The following SGK1 variants were observed in gnomAD, a reference collection of about 807,000 sequenced individuals.
SGK1 encodes serum/glucocorticoid regulated kinase 1, also known as serine/threonine-protein kinase Sgk1.
SGK1 carries 26 observed loss-of-function variants against 64.2 expected under a neutral mutation model. The observed-to-expected ratio is 0.40, with a 90% CI of 0.30 to 0.56. The LOEUF is 0.56. Among genes scored for constraint, SGK1 ranks in the 20% least tolerant of loss-of-function variants. The pLI is 0.38. For synonymous variants in SGK1, 265 were observed against 239.7 expected, an observed-to-expected ratio of 1.11 and a Z score of -0.98; for missense variants, 519 against 645.6, an observed-to-expected ratio of 0.80 and a Z score of 2.12.
intron 2 of SGK1, among the ~76,000 whole-genome samples, chr6:134,249,913 GT>G (rs1232182754): frequency 6.6e-6 from 1 of 152,004 alleles, no homozygotes; most frequent in Non-Finnish European, 1.5e-5. Flanking sequence ...TTTCTTTTTT[GT>G]TACCACCAAG....
chr6:134,237,786 A>G (rs1263672654), intron 2 of SGK1, among the ~76,000 whole-genome samples: 1 of 152,188 alleles, frequency 6.6e-6, no homozygotes, highest in Admixed American at 6.5e-5. Flanking sequence ...GTCCTATTGC[A>G]TAGTCTGGCT....
rs1195364168 is a variant in SGK1, at chr6:134,171,544, G to GT, written c.1167+92dup. On this transcript the variant is annotated intron_variant, in intron 11 of 13. Transcript: ENST00000367858. ...TTAGCTGCTTTTGATAAGCGTACTG[G>GT]TAAGGGCAAGACACCATGGCCAAGC... The GT allele has an allele frequency of 1.5e-4, 127 of 847,378 alleles. 1 individual carries two copies. Among genetic ancestry groups the GT allele is most frequent in the Admixed American group, 1.5e-3 (69 of 47,292 alleles). The allele number at this position is 847,378 out of a possible 1,614,324, so 52.5% of individuals were successfully genotyped here. A position where few individuals can be genotyped will look rare whatever the true frequency, so the allele number is the denominator to read the frequency against.
At chr6:134,284,993 A>T (rs1252626746) in intron 1 of SGK1, among the ~76,000 whole-genome samples, 1 of 152,148 alleles carries the variant, frequency 6.6e-6, no homozygotes, top group East Asian at 1.9e-4. Flanking sequence ...TGCTGCTATA[A>T]ATATGCATGT....
At chr6:134,186,039 G>C (rs1775418434) in intron 3 of SGK1, among the ~76,000 whole-genome samples, 1 of 151,950 alleles carries the variant, frequency 6.6e-6, no homozygotes, top group Non-Finnish European at 1.5e-5. Flanking sequence ...TCCTTTGGAG[G>C]CACCCTTAAG....
At chr6:134,290,510 T>A (rs1041942043) in intron 1 of SGK1, among the ~76,000 whole-genome samples, 4 of 151,336 alleles carry the variant, frequency 2.6e-5, no homozygotes, top group Admixed American at 6.6e-5. Flanking sequence ...ATGGAAGAGA[T>A]GGCACTTGAA....
At chr6:134,175,580 G>A (rs1359488925) in intron 3 of SGK1, 5 of 1,566,880 alleles carry the variant, frequency 3.2e-6, no homozygotes, top group Non-Finnish European at 3.5e-6. Flanking sequence ...CTCCTTTTCT[G>A]CGCCTCGGCC....
intron 2 of SGK1, among the ~76,000 whole-genome samples, chr6:134,216,439 G>A (rs1007394773): frequency 1.3e-5 from 2 of 152,158 alleles, no homozygotes; most frequent in African/African-American, 4.8e-5. Flanking sequence ...CCCCTGGCTG[G>A]TATCATAGGA....
At chr6:134,178,173 G>GT (rs1775277689) in intron 3 of SGK1, among the ~76,000 whole-genome samples, 1 of 152,152 alleles carries the variant, frequency 6.6e-6, no homozygotes, top group Non-Finnish European at 1.5e-5. Context: ...AGATGCAACC[G>GT]TATGATTTGT....
chr6:134,315,596 T>C (rs1199518397), intron 1 of SGK1, among the ~76,000 whole-genome samples: 1 of 152,212 alleles, frequency 6.6e-6, no homozygotes. Context: ...TTTATGTAAC[T>C]TAAATCTACA....
chr6:134,208,131 C>G (rs1359710334), intron 2 of SGK1, among the ~76,000 whole-genome samples: 1 of 152,214 alleles, frequency 6.6e-6, no homozygotes, highest in Middle Eastern at 3.4e-3. Context: ...AGGCTGGTCT[C>G]GAACTCCTGA....
chr6:134,173,748 G>A (rs1775115438), intron 5 of SGK1, 182 bp from the exon 6 acceptor site: 1 of 604,788 alleles, frequency 1.7e-6, no homozygotes, highest in Non-Finnish European at 2.8e-6. Context: ...ACACAGTCAT[G>A]TTGTTTCAGA....
intron 3 of SGK1, among the ~76,000 whole-genome samples, chr6:134,196,389 G>C (rs978254381): frequency 3.3e-5 from 5 of 151,852 alleles, no homozygotes; most frequent in Non-Finnish European, 5.9e-5. Context: ...GAGCCCAGGA[G>C]TTCAAGTCCA....
chr6:134,211,889 A>T (rs112240691), intron 2 of SGK1, among the ~76,000 whole-genome samples: 1 of 150,908 alleles, frequency 6.6e-6, no homozygotes, highest in Admixed American at 6.6e-5. Context: ...AAAAAAAAAA[A>T]AAAAAAAAAA....
At chr6:134,271,451 T>C (rs1776939524) in intron 1 of SGK1, among the ~76,000 whole-genome samples, 1 of 147,618 alleles carries the variant, frequency 6.8e-6, no homozygotes, top group African/African-American at 2.4e-5. Flanking sequence ...TACGGGACAG[T>C]GTATGTTATT....
In SGK1 at chr6:134,279,202, TG is replaced by T. The variant is rs549892887; in HGVS notation, c.70-17055del. Among the ~76,000 whole-genome samples the T allele has an allele frequency of 1.6e-4, 25 of 152,236 alleles. No homozygotes were observed. The East Asian group carries it at 4.6e-3, about 28-fold the overall frequency. On this transcript the variant is annotated intron_variant, in intron 1 of 13. Coordinates refer to ENST00000367858, the MANE Select transcript of SGK1 (RefSeq NM_001143676.3). ...GTCTCAGCACTTTGGGAAGCCTACA[TG>T]GGTGGATCACTTGAGGTCAGGAGTT...
At position 134,174,594 on chromosome 6, in the gene SGK1, T is replaced by G. The variant is rs745371676; in HGVS notation, c.362-8A>C. 1 of 1,612,680 alleles carries G rather than the reference T, an allele frequency of 6.2e-7. No homozygotes were observed. Among genetic ancestry groups the G allele is most frequent in the Admixed American group, 1.7e-5 (1 of 60,006 alleles). On this transcript the variant is annotated splice_region_variant and splice_polypyrimidine_tract_variant and intron_variant, in intron 3 of 13. Transcript: ENST00000367858. ...TCCTCTGCTTCATGAAAGCTGTGGA[T>G]GAAGGAGGAGAAATAAAGAAACGTT...
At chr6:134,271,036 G>A (rs1776931627) in intron 1 of SGK1, among the ~76,000 whole-genome samples, 1 of 146,274 alleles carries the variant, frequency 6.8e-6, no homozygotes, top group African/African-American at 2.5e-5. Flanking sequence ...GTGGGACTCT[G>A]CCAGGTGCGG....
chr6:134,284,672 A>G (rs906969076), intron 1 of SGK1, among the ~76,000 whole-genome samples: 1 of 152,130 alleles, frequency 6.6e-6, no homozygotes, highest in East Asian at 1.9e-4. Flanking sequence ...TTTAGTTGAG[A>G]CAGGGTTTCA....
intron 2 of SGK1, among the ~76,000 whole-genome samples, chr6:134,232,324 G>A (rs1416835645): frequency 6.6e-6 from 1 of 151,510 alleles, no homozygotes; most frequent in African/African-American, 2.4e-5. Flanking sequence ...GGCAGAGGTT[G>A]CAGTGAGCCA....
Sources: gnomAD v4.1 joint callset for allele counts (sites outside exome capture counted in the v4.1 genomes callset) on GRCh38, gnomAD v4.1.1 for gene constraint, MANE v1.5 for transcripts, NCBI Gene and HGNC (gene_info 2026-07-23, HGNC 2026-07-21) for gene names.